Variants in TEX9 observed in about 807,000 individuals in gnomAD.
TEX9 encodes the protein testis-expressed protein 9.
In TEX9, 74 loss-of-function variants were observed where a neutral mutation model predicts 59.6. That is an observed-to-expected ratio of 1.24 (90% CI 1.03 to 1.51). The LOEUF (loss-of-function observed/expected upper bound fraction) is 1.51, where lower values mean the gene tolerates loss of function less well. Among genes scored for constraint, TEX9 ranks in the 40% most tolerant of loss-of-function variants. The pLI, the probability that TEX9 is intolerant of heterozygous loss-of-function variation, is 0.00. For synonymous variants in TEX9, 186 were observed against 152.2 expected (o/e 1.22, Z -1.64); for missense variants, 522 against 447.8 (o/e 1.17, Z -1.49).
intron 1 of TEX9, among the ~76,000 whole-genome samples, chr15:56,267,193 ATTTG>A (rs1414180021): frequency 6.6e-6 from 1 of 151,994 alleles, no homozygotes; most frequent in Non-Finnish European, 1.5e-5. Context: ...CTTCCTGTAA[ATTTG>A]TTTAAGTTCT....
At chr15:56,412,258 T>C (rs771682431) in intron 9 of TEX9, 44 bp from the exon 10 acceptor site, 14 of 1,543,730 alleles carry the variant, frequency 9.1e-6, no homozygotes, top group African/African-American at 4.2e-5. Flanking sequence ...AGGGGGAAAC[T>C]ATGATATATT....
chr15:56,260,537 G>A (rs1370335567), intron 1 of TEX9, among the ~76,000 whole-genome samples: 1 of 152,038 alleles, frequency 6.6e-6, no homozygotes, highest in African/African-American at 2.4e-5. Context: ...ATATAATTTA[G>A]TGAAGTAAGT....
intron 10 of TEX9, among the ~76,000 whole-genome samples, chr15:56,422,197 A>C (rs1473494435): frequency 6.6e-6 from 1 of 151,342 alleles, no homozygotes; most frequent in African/African-American, 2.4e-5. Context: ...ACATGTATAC[A>C]TATGTAACTA....
chr15:56,385,997 G>C (rs1318270180), intron 4 of TEX9, among the ~76,000 whole-genome samples: 1 of 151,918 alleles, frequency 6.6e-6, no homozygotes, highest in Non-Finnish European at 1.5e-5. Flanking sequence ...ACCTGCATGT[G>C]AATTTTTAGA....
intron 12 of TEX9, chr15:56,443,358 A>G (rs1456750724): frequency 1.4e-5 from 15 of 1,105,302 alleles, no homozygotes; most frequent in African/African-American, 1.3e-4. Context: ...TAAATGTACT[A>G]TCTCTTTTCT....
intron 2 of TEX9, among the ~76,000 whole-genome samples, chr15:56,369,091 T>G (rs2047073389): frequency 6.6e-6 from 1 of 152,144 alleles, no homozygotes; most frequent in African/African-American, 2.4e-5. Flanking sequence ...TTATGGTTAT[T>G]TAGTTCTAAA....
chr15:56,316,084 C>T (rs1214171117), intron 1 of TEX9, among the ~76,000 whole-genome samples: 1 of 148,056 alleles, frequency 6.8e-6, no homozygotes, highest in African/African-American at 2.4e-5. Context: ...AACTTCTTTG[C>T]CTTTGGTTTG....
chr15:56,253,445 G>A (rs2044075109), intron 1 of TEX9, among the ~76,000 whole-genome samples: 2 of 152,224 alleles, frequency 1.3e-5, no homozygotes, highest in Non-Finnish European at 2.9e-5. Flanking sequence ...ATAATCAGTT[G>A]GAAAATCTTA....
chr15:56,271,622 A>C (rs1286395297), intron 1 of TEX9, among the ~76,000 whole-genome samples: 2 of 152,132 alleles, frequency 1.3e-5, no homozygotes, highest in Non-Finnish European at 2.9e-5. Flanking sequence ...ATCCCAGGAA[A>C]TGTTCCTATA....
chr15:56,310,795 A>G (rs2045593554), intron 1 of TEX9, among the ~76,000 whole-genome samples: 1 of 152,196 alleles, frequency 6.6e-6, no homozygotes, highest in Non-Finnish European at 1.5e-5. Context: ...AGCTAATCCA[A>G]CTGGAGATGG....
chr15:56,348,671 C>A (rs1596108263), intron 1 of TEX9, among the ~76,000 whole-genome samples: 1 of 151,920 alleles, frequency 6.6e-6, no homozygotes, highest in Non-Finnish European at 1.5e-5. Flanking sequence ...TCAAGATTTT[C>A]TCATCTTTTG....
At chr15:56,349,516 G>T (rs544294348) in intron 1 of TEX9, among the ~76,000 whole-genome samples, 12 of 152,180 alleles carry the variant, frequency 7.9e-5, no homozygotes, top group Admixed American at 7.2e-4. Context: ...GGTTTTCTAT[G>T]AGTATTTTAG....
chr15:56,251,641 G>T (rs2044020761), intron 1 of TEX9, among the ~76,000 whole-genome samples: 1 of 152,062 alleles, frequency 6.6e-6, no homozygotes, highest in South Asian at 2.1e-4. Context: ...ACCAGAAGAG[G>T]CAATGATTAA....
chr15:56,246,102 C>T (rs1373797514), intron 1 of TEX9, among the ~76,000 whole-genome samples: 1 of 152,116 alleles, frequency 6.6e-6, no homozygotes, highest in East Asian at 1.9e-4. Flanking sequence ...AGTTCGCTAC[C>T]GGGTGTCACA....
Position 56,259,807 on chromosome 15 carries a change from A to T in TEX9, c.-107+15529A>T, listed in dbSNP as rs1227352472. Among the ~76,000 whole-genome samples, 4 of 152,218 alleles carry T rather than the reference A, an allele frequency of 2.6e-5. No individual in the cohort carries two copies. The East Asian group carries it at 7.7e-4, about 29-fold the overall frequency. On this transcript the variant is annotated intron_variant, in intron 1 of 5. Coordinates refer to the TEX9 transcript ENST00000560827. ...TCTTGACTGGGATTGCATTGAATCAATAAAATAACTTTTGAAGAATAGCTT... is the reference window on the plus strand; with the variant it reads ...TCTTGACTGGGATTGCATTGAATCATTAAAATAACTTTTGAAGAATAGCTT...
At chr15:56,413,916 T>C (rs1370165673) in intron 10 of TEX9, among the ~76,000 whole-genome samples, 1 of 151,774 alleles carries the variant, frequency 6.6e-6, no homozygotes, top group African/African-American at 2.4e-5. Flanking sequence ...GTGAGATAGT[T>C]TGTTATATGG....
At chr15:56,388,435 C>T (rs1163536211) in intron 4 of TEX9, 37 bp from the exon 5 acceptor site, 1 of 1,496,580 alleles carries the variant, frequency 6.7e-7, no homozygotes, top group Non-Finnish European at 9.3e-7. Context: ...TCAGTGTCAT[C>T]TATTATTAAT....
intron 1 of TEX9, among the ~76,000 whole-genome samples, chr15:56,323,872 C>T (rs1440966257): frequency 1.3e-5 from 2 of 152,072 alleles, no homozygotes; most frequent in Non-Finnish European, 2.9e-5. Flanking sequence ...ACACAACTCA[C>T]TCCTTTTAAA....
At chr15:56,389,512 C>T (rs2048110163) in intron 6 of TEX9, 112 bp downstream of exon 6, 1 of 722,558 alleles carries the variant, frequency 1.4e-6, no homozygotes, top group East Asian at 2.8e-5. Flanking sequence ...ACACCCTAAA[C>T]ATTAAGTTAC....
Sources: gnomAD v4.1 joint callset for allele counts (sites outside exome capture counted in the v4.1 genomes callset) on GRCh38, gnomAD v4.1.1 for gene constraint, MANE v1.5 for transcripts, NCBI Gene and HGNC (gene_info 2026-07-23, HGNC 2026-07-21) for gene names.